Variants in SLC30A9 observed in about 807,000 individuals in gnomAD.
SLC30A9 encodes solute carrier family 30 member 9, also known as proton-coupled zinc antiporter SLC30A9, mitochondrial.
SLC30A9 carries 58 observed loss-of-function variants against 87.5 expected under a neutral mutation model. That is an observed-to-expected ratio of 0.66 (90% CI 0.54 to 0.82). The LOEUF (loss-of-function observed/expected upper bound fraction) is 0.82, where lower values mean the gene tolerates loss of function less well. SLC30A9 is among the 40% of genes least tolerant of loss of function. The pLI is 0.00. For synonymous variants in SLC30A9, 234 were observed against 233.0 expected, an observed-to-expected ratio of 1.00 and a Z score of -0.04; for missense variants, 557 against 679.1, an observed-to-expected ratio of 0.82 and a Z score of 2.00.
chr4:41,999,171 CAAATT>C lies in SLC30A9; in HGVS notation c.110-2441_110-2437del, dbSNP rs544302199. ...TTATGAAGTTGTAATGATATACACA[CAAATT>C]AAAAATGTGTCACTATTACAGGACC... On this transcript the variant is annotated intron_variant, in intron 1 of 17. Coordinates refer to ENST00000264451, the MANE Select transcript of SLC30A9 (RefSeq NM_006345.4). Among the ~76,000 whole-genome samples the C allele has an allele frequency of 3.3e-5, 5 of 152,160 alleles. No individual in the cohort carries two copies. In the South Asian group the frequency reaches 8.3e-4, roughly 25 times the overall value.
At chr4:42,019,661 G>C (rs538676441) in intron 3 of SLC30A9, among the ~76,000 whole-genome samples, 7 of 152,184 alleles carry the variant, frequency 4.6e-5, no homozygotes, top group African/African-American at 1.4e-4. Context: ...ATATGTAAAT[G>C]AAACAAAGGT....
chr4:41,999,954 A>G (rs1346076147), intron 1 of SLC30A9, among the ~76,000 whole-genome samples: 1 of 152,148 alleles, frequency 6.6e-6, no homozygotes, highest in Non-Finnish European at 1.5e-5. Flanking sequence ...TTTGCTTCAA[A>G]TTAATATTGG....
intron 2 of SLC30A9, among the ~76,000 whole-genome samples, chr4:42,003,186 G>A (rs1040140676): frequency 6.6e-6 from 1 of 152,114 alleles, no homozygotes; most frequent in African/African-American, 2.4e-5. Context: ...TTCACAAAAT[G>A]TGGTCTGTAT....
chr4:42,052,742 A>T (rs1053033565), intron 9 of SLC30A9, among the ~76,000 whole-genome samples: 1 of 152,272 alleles, frequency 6.6e-6, no homozygotes, highest in Non-Finnish European at 1.5e-5. Context: ...TTTGAAATGG[A>T]TCATAGTCCA....
At chr4:42,062,890 G>A in intron 10 of SLC30A9, 96 bp from the exon 11 acceptor site, 1 of 981,256 alleles carries the variant, frequency 1.0e-6, no homozygotes, top group Middle Eastern at 2.6e-4. Context: ...ATAACATCTT[G>A]ATATTGTTAG....
chr4:42,050,184 C>G (rs1717329268), intron 9 of SLC30A9, among the ~76,000 whole-genome samples: 1 of 152,040 alleles, frequency 6.6e-6, no homozygotes, highest in South Asian at 2.1e-4. Flanking sequence ...AAAATTAAGC[C>G]TGTGAACTTG....
chr4:42,053,749 T>C (rs536456821), intron 9 of SLC30A9, among the ~76,000 whole-genome samples: 2 of 129,100 alleles, frequency 1.5e-5, no homozygotes, highest in East Asian at 2.1e-4. Flanking sequence ...GCTTTACTTA[T>C]AATGGCTGAA....
At chr4:42,018,263 T>G in intron 3 of SLC30A9, 93 bp downstream of exon 3, 1 of 783,208 alleles carries the variant, frequency 1.3e-6, no homozygotes, top group East Asian at 2.9e-5. Context: ...AGTTATATTA[T>G]TCTAAGAGTA....
intron 9 of SLC30A9, among the ~76,000 whole-genome samples, chr4:42,055,383 A>T (rs572679237): frequency 1.3e-5 from 1 of 77,046 alleles, no homozygotes; most frequent in African/African-American, 2.6e-5. Flanking sequence ...GTAGTTTTTT[A>T]TTTATTTATT....
At chr4:42,002,316 G>A (rs1482112974) in intron 2 of SLC30A9, among the ~76,000 whole-genome samples, 2 of 151,854 alleles carry the variant, frequency 1.3e-5, no homozygotes, top group African/African-American at 4.8e-5. Context: ...ACATGTGAGG[G>A]TTTGTTACAT....
rs774216459 is a variant in SLC30A9, at chr4:42,022,912, G to A, written c.509G>A (p.Arg170Lys). The part of the protein sequence containing the change: ...EDTESFTVYL[R>K]SDVEAKSLEV... ...ACTGAGTCTTTTACTGTATACTTGA[G>A]ATCAGATGTGGAAGCAAAGTAAGAA... The change falls in exon 5 of 18, where the codon AGA (arginine) becomes AAA (lysine). Residue 170 changes from arginine (R) to lysine (K), a missense_variant. Around this residue, in one of 2 missense-constraint regions of SLC30A9, gnomAD observed 467 missense variants for 529.8 expected, o/e 0.88. Coordinates refer to ENST00000264451, the MANE Select transcript of SLC30A9 (RefSeq NM_006345.4). 6 of 1,571,390 alleles carry A rather than the reference G, an allele frequency of 3.8e-6. 1 individual carries two copies. The South Asian group carries it at 7.2e-5, about 19-fold the overall frequency.
At chr4:42,033,842 TG>T (rs1318143284) in intron 6 of SLC30A9, among the ~76,000 whole-genome samples, 1 of 152,220 alleles carries the variant, frequency 6.6e-6, no homozygotes, top group Non-Finnish European at 1.5e-5. Flanking sequence ...CCCAAAGTGC[TG>T]GGATTACAGG....
At chr4:42,067,381 T>A (rs1577719041) in intron 14 of SLC30A9, among the ~76,000 whole-genome samples, 189 bp downstream of exon 14, 1 of 152,226 alleles carries the variant, frequency 6.6e-6, no homozygotes. Flanking sequence ...GAATTAAAAA[T>A]GTCTCTAAAT....
chr4:42,013,894 G>T (rs1454915644), intron 2 of SLC30A9, among the ~76,000 whole-genome samples: 1 of 152,150 alleles, frequency 6.6e-6, no homozygotes, highest in African/African-American at 2.4e-5. Context: ...GGACAAATGG[G>T]ATCACATTAA....
intron 6 of SLC30A9, among the ~76,000 whole-genome samples, chr4:42,026,422 G>A (rs1716193326): frequency 6.6e-6 from 1 of 152,180 alleles, no homozygotes; most frequent in African/African-American, 2.4e-5. Context: ...AGAGATCGAT[G>A]TACTAGTATT....
chr4:42,036,858 A>G, intron 7 of SLC30A9, among the ~76,000 whole-genome samples: 1 of 152,176 alleles, frequency 6.6e-6, no homozygotes, highest in East Asian at 1.9e-4. Flanking sequence ...TCATGCCTCA[A>G]GGGCTATTGC....
In SLC30A9 at chr4:42,089,818, A is replaced by G. The variant is rs117124572; in HGVS notation, c.*3692A>G. ...GAACCTGTGAGATAAGATCAGACGG[A>G]AAAATTTTCAAATTTTTTCAAAAGC... On this transcript the variant is annotated 3_prime_UTR_variant, in exon 18 of 18. Transcript: ENST00000264451. 27 of 152,342 alleles carry G rather than the reference A, an allele frequency of 1.8e-4. No homozygotes were observed. The East Asian group carries it at 5.0e-3, about 28-fold the overall frequency. 9.4% of individuals were successfully genotyped at this position (152,342 alleles called of 1,614,324 possible). A position where few individuals can be genotyped will look rare whatever the true frequency, so the allele number is the denominator to read the frequency against.
At chr4:42,020,761 A>C (rs1444060636) in intron 4 of SLC30A9, 1 of 366,584 alleles carries the variant, frequency 2.7e-6, no homozygotes, top group African/African-American at 2.1e-5. Flanking sequence ...TAAATTCTTC[A>C]AAAGCTTTCC....
intron 9 of SLC30A9, among the ~76,000 whole-genome samples, chr4:42,057,180 G>A (rs954960583): frequency 6.6e-6 from 1 of 152,168 alleles, no homozygotes; most frequent in Non-Finnish European, 1.5e-5. Context: ...GGGATATGGA[G>A]GGCAATGGCC....
Sources: allele counts gnomAD v4.1 joint callset (sites outside exome capture counted in the v4.1 genomes callset), GRCh38; gene constraint gnomAD v4.1.1; regional missense constraint gnomAD v4.1.1; transcripts MANE v1.5; gene names NCBI Gene and HGNC (gene_info 2026-07-23, HGNC 2026-07-21).